The following ZNF8 variants were observed in gnomAD, a reference collection of about 807,000 sequenced individuals.
ZNF8 encodes zinc finger protein 272.
ZNF8 carries 9 observed loss-of-function variants against 12.2 expected under a neutral mutation model. That is an observed-to-expected ratio of 0.73 (90% CI 0.44 to 1.28). The LOEUF is 1.28. Ranked by LOEUF, ZNF8 falls within the 50% of genes most tolerant of loss-of-function variation. The pLI is 0.00. For synonymous variants in ZNF8, 274 were observed against 282.3 expected, an observed-to-expected ratio of 0.97 and a Z score of 0.30; for missense variants, 664 against 729.1, an observed-to-expected ratio of 0.91 and a Z score of 1.03.
intron 1 of ZNF8, 117 bp downstream of exon 1, chr19:58,279,264 G>T (rs1943050491): frequency 3.9e-6 from 6 of 1,524,508 alleles, no homozygotes; most frequent in Middle Eastern, 1.7e-4. Context: ...CCCTTGACAC[G>T]TGGGGAAACT....
chr19:58,287,361 C>T (rs762089823), intron 3 of ZNF8, among the ~76,000 whole-genome samples: 87 of 101,064 alleles, frequency 8.6e-4, no homozygotes, highest in Non-Finnish European at 1.3e-3. Flanking sequence ...TTTTTGAGAC[C>T]GTCTCTGTTG....
Position 58,293,811 on chromosome 19 carries a change from G to C in ZNF8, c.290-287G>C, listed in dbSNP as rs577052363. ...TTGATTTTAGGACTTCTGTGTTCCA[G>C]AACTATAAGATAATAAGTGTGTTTT... On this transcript the variant is annotated intron_variant, in intron 3 of 3. Coordinates refer to ENST00000621650, the MANE Select transcript of ZNF8 (RefSeq NM_021089.3). Among the ~76,000 whole-genome samples, 7 of 152,336 alleles carry C rather than the reference G, an allele frequency of 4.6e-5. No homozygotes were observed. The East Asian group carries it at 1.4e-3, about 29-fold the overall frequency.
At chr19:58,286,845 CTCAGAGGTCA>C (rs1465697926) in intron 3 of ZNF8, 1 of 152,434 alleles carries the variant, frequency 6.6e-6, no homozygotes, top group Non-Finnish European at 1.5e-5. Context: ...ATCTTCTAAG[CTCAGAGGTCA>C]TCACCTGTGC....
At chr19:58,282,392 C>G (rs998067216) in intron 1 of ZNF8, among the ~76,000 whole-genome samples, 1 of 152,168 alleles carries the variant, frequency 6.6e-6, no homozygotes. Context: ...AGTCTCTTAT[C>G]AGATATGTGA....
In ZNF8 at chr19:58,279,163, A is replaced by G. The variant is rs747668432; in HGVS notation, c.66+16A>G. The G allele has an allele frequency of 1.9e-6, 3 of 1,555,938 alleles. No homozygotes were observed. Among genetic ancestry groups the G allele is most frequent in the African/African-American group, 1.4e-5 (1 of 73,356 alleles). ...CCGGCTTCAGGTAACAATAACAACA[A>G]TAACGACGGCGGCGGGCTCCGGGCA... On this transcript the variant is annotated intron_variant, in intron 1 of 3. Coordinates refer to ENST00000621650, the MANE Select transcript of ZNF8 (RefSeq NM_021089.3).
rs2051465787 is a variant in ZNF8 at position 58,297,885 on chromosome 19, G to A, written c.*2349G>A. The A allele has an allele frequency of 1.3e-5, 2 of 152,226 alleles. No individual in the cohort carries two copies. The highest frequency in any genetic ancestry group is 6.5e-5 in the Admixed American group (1 of 15,288). 9.4% of individuals were successfully genotyped at this position (152,226 alleles called of 1,614,324 possible). ...TTCACATTTTTGCTGTGCACTGATA[G>A]TGTGAAAGCAATGGCAGGTAAAACT... On this transcript the variant is annotated 3_prime_UTR_variant, in exon 4 of 4. Transcript: ENST00000621650.
intron 1 of ZNF8, chr19:58,280,754 C>G (rs921036469): frequency 1.3e-5 from 2 of 152,262 alleles, no homozygotes; most frequent in African/African-American, 4.8e-5. Flanking sequence ...CAGAGCTACC[C>G]TCCCTACCAA....
chr19:58,279,720 C>G, intron 1 of ZNF8: 1 of 1,523,116 alleles, frequency 6.6e-7, no homozygotes, highest in Non-Finnish European at 8.8e-7. Flanking sequence ...TGTGGGAGAA[C>G]TGCAGTGCAG....
Position 58,287,638 on chromosome 19 carries a change from C to CTTTT in ZNF8, c.289+1453_289+1456dup, listed in dbSNP as rs35340103. Among the ~76,000 whole-genome samples the CTTTT allele has an allele frequency of 1.7e-3, 112 of 64,860 alleles. 6 individuals are homozygous for CTTTT. The highest frequency in any genetic ancestry group is 6.0e-3 in the South Asian group (9 of 1,512). 42.6% of individuals were successfully genotyped at this position (64,860 alleles called of 152,430 possible). On this transcript the variant is annotated intron_variant, in intron 3 of 3. Transcript: ENST00000621650. ...ACAGGTATCAGCCACTGCACCTGGC[C>CTTTT]TTTTTTTTTTTTTTTTTTTTTTTGA...
At chr19:58,279,280 G>A in intron 1 of ZNF8, 133 bp downstream of exon 1, 1 of 1,520,744 alleles carries the variant, frequency 6.6e-7, no homozygotes. Flanking sequence ...AAACTCAGAC[G>A]CGGGTCGGGG....
chr19:58,284,211 G>A lies in ZNF8; in HGVS notation c.67-1506G>A, dbSNP rs558380850. On this transcript the variant is annotated intron_variant, in intron 1 of 3. Transcript: ENST00000621650. Reference sequence around the variant, plus strand: ...TGCACTCCAGCCTGATTGACAGAGTGAGACTCCCATCTCGAGAAAAAAAAA... The same window carrying A: ...TGCACTCCAGCCTGATTGACAGAGTAAGACTCCCATCTCGAGAAAAAAAAA... 2.0e-5 allele frequency among the ~76,000 whole-genome samples: 3 copies of A among 150,522 alleles called. No individual in the cohort carries two copies. The South Asian group carries it at 6.3e-4, about 32-fold the overall frequency.
At chr19:58,279,878 AC>A (rs1321895310) in intron 1 of ZNF8, 77 of 1,171,038 alleles carry the variant, frequency 6.6e-5, no homozygotes, top group Non-Finnish European at 7.9e-5. Flanking sequence ...TTGAAATTAT[AC>A]TTTTTTTTAT....
At position 58,286,214 on chromosome 19, in the gene ZNF8, C is replaced by G. The variant is rs1426967827; in HGVS notation, c.289+9C>G. On this transcript the variant is annotated intron_variant, in intron 3 of 3. Coordinates refer to ENST00000621650, the MANE Select transcript of ZNF8 (RefSeq NM_021089.3). Reference sequence around the variant, plus strand: ...CCAGGGCTGCCATCCAGGTGAGAACCCACTATGTGGGAGCAGCTAATGGGA... The same window carrying G: ...CCAGGGCTGCCATCCAGGTGAGAACGCACTATGTGGGAGCAGCTAATGGGA... The G allele has an allele frequency of 6.4e-7, 1 of 1,558,656 alleles. No homozygotes were observed.
At position 58,299,708 on chromosome 19, in the gene ZNF8, G is replaced by A. The variant is rs997657885; in HGVS notation, c.*4172G>A. 6.6e-6 allele frequency: 1 copy of A among 152,088 alleles called. No individual in the cohort carries two copies. The highest frequency in any genetic ancestry group is 6.6e-5 in the Admixed American group (1 of 15,266). The allele number at this position is 152,088 out of a possible 1,614,324, so 9.4% of individuals were successfully genotyped here. On this transcript the variant is annotated 3_prime_UTR_variant, in exon 4 of 4. Coordinates refer to ENST00000621650, the MANE Select transcript of ZNF8 (RefSeq NM_021089.3). The stretch of plus-strand genomic sequence containing the variant: ...GGCGTGAACCTGGGAGGCAGAGCTT[G>A]CAGTGAGCTGAGATAGTGCCTCTGC...
Position 58,295,292 on chromosome 19 carries a change from C to T in ZNF8, c.1484C>T (p.Pro495Leu). 6.2e-7 allele frequency: 1 copy of T among 1,614,186 alleles called. No individual in the cohort carries two copies. The highest frequency in any genetic ancestry group is 8.5e-7 in the Non-Finnish European group (1 of 1,180,016). ...HQITHTREEQ[P>L]HGRSRRREQS... ...ATAACTCACACCAGAGAGGAGCAGC[C>T]CCATGGGCGAAGCCGGCGGCGTGAA... is the stretch of plus-strand genomic sequence containing the variant. The change falls in exon 4 of 4, where the codon CCC becomes CTC. Residue 495 changes from proline to leucine, a missense_variant. Around this residue, in one of 3 missense-constraint regions of ZNF8, gnomAD observed 225 missense variants for 222.0 expected, o/e 1.01. Transcript: ENST00000621650.
intron 3 of ZNF8, among the ~76,000 whole-genome samples, chr19:58,287,093 GC>G (rs1448540912): frequency 6.6e-6 from 1 of 152,168 alleles, no homozygotes; most frequent in African/African-American, 2.4e-5. Flanking sequence ...AGGCTGGAGT[GC>G]AGTGGCGTAA....
rs537273573 is a variant in ZNF8 at position 58,284,915 on chromosome 19, G to C, written c.67-802G>C. On this transcript the variant is annotated intron_variant, in intron 1 of 3. Transcript: ENST00000621650. ...TTCAGCTTCTCTTCAGAGATGAGCA[G>C]TTCTGACAAAGGGACCTGTATTTTC... Among the ~76,000 whole-genome samples, 11 of 152,298 alleles carry C rather than the reference G, an allele frequency of 7.2e-5. No homozygotes were observed. The South Asian group carries it at 2.3e-3, about 32-fold the overall frequency.
At chr19:58,279,257 T>C (rs1392577420) in intron 1 of ZNF8, 110 bp downstream of exon 1, 5 of 1,526,942 alleles carry the variant, frequency 3.3e-6, no homozygotes, top group South Asian at 1.2e-5. Flanking sequence ...GTTAATGCCC[T>C]TGACACGTGG....
intron 3 of ZNF8, among the ~76,000 whole-genome samples, chr19:58,290,086 G>T (rs1276883887): frequency 2.0e-5 from 3 of 146,432 alleles, no homozygotes; most frequent in Admixed American, 6.9e-5. Context: ...GTGAGCCACC[G>T]CGCCTGGCCC....
Sources: gnomAD v4.1 joint callset for allele counts (sites outside exome capture counted in the v4.1 genomes callset) on GRCh38, gnomAD v4.1.1 for gene constraint, gnomAD v4.1.1 regional missense constraint, MANE v1.5 for transcripts, NCBI Gene and HGNC (gene_info 2026-07-23, HGNC 2026-07-21) for gene names.